SLC35F1: variants seen among roughly 807,000 people sequenced by gnomAD.
SLC35F1 encodes the protein chromosome 6 open reading frame 169.
SLC35F1 carries 14 observed loss-of-function variants against 48.7 expected under a neutral mutation model. The ratio of observed to expected loss-of-function variants is 0.29; its 90% CI spans 0.19 to 0.45. SLC35F1 has a LOEUF of 0.45. Ranked by LOEUF, SLC35F1 falls within the 20% of genes least tolerant of loss-of-function variation. The pLI is 1.00. For missense variants in SLC35F1, 404 were observed against 500.0 expected, an observed-to-expected ratio of 0.81 and a Z score of 1.83; for synonymous variants, 190 against 202.2, an observed-to-expected ratio of 0.94 and a Z score of 0.51.
chr6:118,101,480 A>G (rs1773257409), intron 1 of SLC35F1, among the ~76,000 whole-genome samples: 2 of 152,236 alleles, frequency 1.3e-5, no homozygotes, highest in South Asian at 4.1e-4. Context: ...TGAGTTAAGC[A>G]AGTCTGCCTC....
At chr6:118,114,273 G>A (rs886915444) in intron 1 of SLC35F1, among the ~76,000 whole-genome samples, 21 of 152,012 alleles carry the variant, frequency 1.4e-4, no homozygotes, top group African/African-American at 4.3e-4. Flanking sequence ...AATTATCATC[G>A]CAATTATGTT....
At chr6:118,193,804 C>G (rs1774765006) in intron 2 of SLC35F1, among the ~76,000 whole-genome samples, 1 of 152,120 alleles carries the variant, frequency 6.6e-6, no homozygotes, top group South Asian at 2.1e-4. Flanking sequence ...CAGGCCTTAC[C>G]AAGCTGTAAA....
chr6:118,089,091 G>A (rs147191555), intron 1 of SLC35F1, among the ~76,000 whole-genome samples: 36 of 152,276 alleles, frequency 2.4e-4, no homozygotes, highest in East Asian at 1.4e-3. Flanking sequence ...GGTAATGGCC[G>A]TGGAGATAGA....
At chr6:118,180,029 G>A (rs895822629) in intron 2 of SLC35F1, among the ~76,000 whole-genome samples, 4 of 152,120 alleles carry the variant, frequency 2.6e-5, no homozygotes, top group African/African-American at 7.2e-5. Context: ...AGGAAATAGG[G>A]AAATGTGCCT....
At chr6:118,311,212 G>A (rs539481950) in intron 7 of SLC35F1, among the ~76,000 whole-genome samples, 5 of 152,298 alleles carry the variant, frequency 3.3e-5, no homozygotes, top group African/African-American at 9.6e-5. Context: ...GTCAATGATT[G>A]TAGATTCATA....
At chr6:118,113,212 A>G (rs1457398222) in intron 1 of SLC35F1, among the ~76,000 whole-genome samples, 1 of 152,088 alleles carries the variant, frequency 6.6e-6, no homozygotes, top group African/African-American at 2.4e-5. Flanking sequence ...TTAGCCTCCC[A>G]AGTAGCTGGG....
At chr6:118,165,768 G>A (rs771548939) in intron 2 of SLC35F1, among the ~76,000 whole-genome samples, 13 of 152,168 alleles carry the variant, frequency 8.5e-5, no homozygotes, top group Non-Finnish European at 1.8e-4. Flanking sequence ...TGGCATTCTT[G>A]CCCCTGATAA....
intron 3 of SLC35F1, among the ~76,000 whole-genome samples, chr6:118,266,656 A>G (rs1272427962): frequency 1.3e-5 from 2 of 152,224 alleles, no homozygotes; most frequent in African/African-American, 4.8e-5. Flanking sequence ...CGAACCAAAG[A>G]TGTTCCCATG....
chr6:118,092,563 G>C (rs939837388), intron 1 of SLC35F1, among the ~76,000 whole-genome samples: 2 of 152,150 alleles, frequency 1.3e-5, no homozygotes, highest in Non-Finnish European at 2.9e-5. Context: ...GACCTCCACT[G>C]ACAGCTTGCA....
intron 1 of SLC35F1, among the ~76,000 whole-genome samples, chr6:118,058,588 C>T (rs1772494085): frequency 6.6e-6 from 1 of 152,118 alleles, no homozygotes; most frequent in Non-Finnish European, 1.5e-5. Flanking sequence ...TCCAAAGCAA[C>T]TTCATAGCTC....
chr6:118,272,323 G>C (rs561283184), intron 4 of SLC35F1, among the ~76,000 whole-genome samples: 16 of 152,236 alleles, frequency 1.1e-4, no homozygotes, highest in African/African-American at 3.9e-4. Context: ...ATTCAGAGGA[G>C]GGAGAGAACT....
chr6:117,959,457 T>C (rs1776467155), intron 1 of SLC35F1, among the ~76,000 whole-genome samples: 1 of 152,138 alleles, frequency 6.6e-6, no homozygotes, highest in South Asian at 2.1e-4. Flanking sequence ...AGTAACAAAA[T>C]CTCTGTCTGT....
intron 1 of SLC35F1, among the ~76,000 whole-genome samples, chr6:118,003,015 T>G (rs562463356): frequency 5.5e-4 from 84 of 152,318 alleles, no homozygotes; most frequent in African/African-American, 2.0e-3. Flanking sequence ...GCACACAATA[T>G]CTAGATTGTG....
intron 1 of SLC35F1, among the ~76,000 whole-genome samples, chr6:118,147,704 A>G (rs546505957): frequency 2.7e-4 from 41 of 152,260 alleles, no homozygotes; most frequent in African/African-American, 9.9e-4. Flanking sequence ...TACAGCATCC[A>G]TGAGCATCTG....
rs1408868594 is a variant in SLC35F1, at chr6:117,923,729, A to ATG, written c.173+15832_173+15833dup. On this transcript the variant is annotated intron_variant, in intron 1 of 7. Transcript: ENST00000360388. ...TATGTACATATATACATATATACAT[A>ATG]TGTATATATACATATATGTACATAT... Among the ~76,000 whole-genome samples, 109 of 89,960 alleles carry ATG rather than the reference A, an allele frequency of 1.2e-3. 20 individuals are homozygous for ATG. The highest frequency in any genetic ancestry group is 2.0e-3 in the Non-Finnish European group (92 of 45,700). The allele number at this position is 89,960 out of a possible 152,430, so 59.0% of individuals were successfully genotyped here.
chr6:117,989,465 G>C (rs1188860984), intron 1 of SLC35F1, among the ~76,000 whole-genome samples: 1 of 152,118 alleles, frequency 6.6e-6, no homozygotes, highest in Non-Finnish European at 1.5e-5. Context: ...ATAATTTTTG[G>C]TCCGATTGTC....
At chr6:118,125,734 A>G (rs1207739736) in intron 1 of SLC35F1, among the ~76,000 whole-genome samples, 1 of 152,180 alleles carries the variant, frequency 6.6e-6, no homozygotes, top group Non-Finnish European at 1.5e-5. Context: ...TTGCCAATGC[A>G]CCAGAGACGT....
intron 1 of SLC35F1, among the ~76,000 whole-genome samples, chr6:117,947,490 C>T (rs530396947): frequency 6.6e-6 from 1 of 152,238 alleles, no homozygotes; most frequent in South Asian, 2.1e-4. Flanking sequence ...TCTCTGGCTG[C>T]TGTAAAGAAG....
intron 7 of SLC35F1, among the ~76,000 whole-genome samples, chr6:118,308,513 A>C (rs986224546): frequency 2.6e-5 from 4 of 152,352 alleles, no homozygotes; most frequent in African/African-American, 9.6e-5. Flanking sequence ...AATCACTGCC[A>C]GGTATTTTCC....
Sources: gnomAD v4.1 joint callset for allele counts (sites outside exome capture counted in the v4.1 genomes callset) on GRCh38, gnomAD v4.1.1 for gene constraint, MANE v1.5 for transcripts, NCBI Gene and HGNC (gene_info 2026-07-23, HGNC 2026-07-21) for gene names.